Variants in CLVS2 observed in about 807,000 individuals in gnomAD.
CLVS2 encodes clavesin-2.
A neutral mutation model predicts 29.0 loss-of-function variants in CLVS2; 19 were observed. The observed-to-expected ratio is 0.66, with a 90% CI of 0.46 to 0.96. CLVS2 has a LOEUF of 0.96. Ranked by LOEUF, CLVS2 falls within the 40% of genes least tolerant of loss-of-function variation. The probability of loss-of-function intolerance (pLI) is 0.00; values close to 1 mark genes in which losing one functional copy is unlikely to be tolerated. For missense variants in CLVS2, 294 were observed against 404.1 expected, an observed-to-expected ratio of 0.73 and a Z score of 2.34; for synonymous variants, 161 against 151.3, an observed-to-expected ratio of 1.06 and a Z score of -0.47.
chr6:123,026,719 G>C (rs985903643), intron 3 of CLVS2, among the ~76,000 whole-genome samples: 1 of 152,082 alleles, frequency 6.6e-6, no homozygotes, highest in Non-Finnish European at 1.5e-5. Context: ...ATTGTACCTG[G>C]CATGTACGTA....
At position 123,048,681 on chromosome 6, in the gene CLVS2, T is replaced by C. The variant is rs1159740369; in HGVS notation, c.624T>C (p.His208=). The C allele has an allele frequency of 2.5e-6, 4 of 1,613,590 alleles. No individual in the cohort carries two copies. The highest frequency in any genetic ancestry group is 2.5e-6 in the Non-Finnish European group (3 of 1,179,668). Residue 208 remains histidine, a synonymous_variant, in exon 4 of 6, where the codon CAT becomes CAC. Transcript: ENST00000275162. ...IHFVNQPWYI[H]ALYTVIRPFL... ...TTGTCAATCAACCATGGTATATCCA[T>C]GCCCTGTACACCGTGATCCGGCCTT...
intron 3 of CLVS2, among the ~76,000 whole-genome samples, chr6:123,025,113 A>T (rs1427328707): frequency 6.6e-6 from 1 of 152,032 alleles, no homozygotes; most frequent in African/African-American, 2.4e-5. Flanking sequence ...TTTCAAAGAG[A>T]TTTACAGTCA....
chr6:123,015,720 T>A (rs1362674325), intron 3 of CLVS2, among the ~76,000 whole-genome samples: 1 of 152,094 alleles, frequency 6.6e-6, no homozygotes, highest in East Asian at 1.9e-4. Flanking sequence ...GGCTTTGGAC[T>A]TTTTTGACAC....
intron 5 of CLVS2, among the ~76,000 whole-genome samples, chr6:123,058,026 A>T (rs1426188881): frequency 6.6e-6 from 1 of 152,212 alleles, no homozygotes; most frequent in African/African-American, 2.4e-5. Context: ...GAAAGTTTTT[A>T]AAAACAAAAG....
Position 123,026,178 on chromosome 6 carries a change from A to G in CLVS2, c.564+15019A>G, listed in dbSNP as rs1338559340. 2.0e-5 allele frequency among the ~76,000 whole-genome samples: 3 copies of G among 152,126 alleles called. No individual in the cohort carries two copies. The East Asian group carries it at 5.8e-4, about 29-fold the overall frequency. On this transcript the variant is annotated intron_variant, in intron 3 of 5. Transcript: ENST00000275162. ...AAGTGGAATATGTGCAATATAAACA[A>G]ATGTAAAATATTGTCACTTTGATGT...
rs574974551 is a variant in CLVS2, at chr6:123,018,879, G to A, written c.564+7720G>A. 4.0e-5 allele frequency among the ~76,000 whole-genome samples: 6 copies of A among 151,872 alleles called. No individual in the cohort carries two copies. The South Asian group carries it at 6.2e-4, about 16-fold the overall frequency. On this transcript the variant is annotated intron_variant, in intron 3 of 5. Coordinates refer to ENST00000275162, the MANE Select transcript of CLVS2 (RefSeq NM_001010852.4). ...AGTTTTAAAACATGGATGAGTATAA[G>A]GTCATTACTTAATTTAATGAAAGCT...
chr6:123,036,244 A>C (rs935316867), intron 3 of CLVS2, among the ~76,000 whole-genome samples: 6 of 152,300 alleles, frequency 3.9e-5, no homozygotes, highest in Middle Eastern at 3.4e-3. Context: ...AGCAATGTAA[A>C]ATAAAACTTC....
intron 3 of CLVS2, among the ~76,000 whole-genome samples, chr6:123,015,391 T>C (rs1185638914): frequency 2.6e-5 from 4 of 152,062 alleles, no homozygotes; most frequent in Admixed American, 6.6e-5. Flanking sequence ...GAGAACCCCA[T>C]ACCACCTTTG....
At chr6:123,025,721 G>A (rs938343773) in intron 3 of CLVS2, among the ~76,000 whole-genome samples, 1 of 152,126 alleles carries the variant, frequency 6.6e-6, no homozygotes, top group African/African-American at 2.4e-5. Flanking sequence ...TAGGTTCAAT[G>A]CACAAGTACA....
At chr6:123,021,527 C>G (rs1337935731) in intron 3 of CLVS2, among the ~76,000 whole-genome samples, 1 of 151,758 alleles carries the variant, frequency 6.6e-6, no homozygotes, top group East Asian at 1.9e-4. Context: ...AATAACATTT[C>G]TGTTTTGTAA....
intron 3 of CLVS2, among the ~76,000 whole-genome samples, chr6:123,038,423 T>C (rs1775184325): frequency 6.6e-6 from 1 of 152,182 alleles, no homozygotes; most frequent in South Asian, 2.1e-4. Context: ...ATGCTTACAG[T>C]GCTATATAAT....
chr6:123,053,217 G>A lies in CLVS2; in HGVS notation c.676-2589G>A, dbSNP rs185593339. On this transcript the variant is annotated intron_variant, in intron 4 of 5. Transcript: ENST00000275162. ...AAAAATTAACGGGGCATGATGGCGC[G>A]CCTGTAGTCCCAGCTACTCGAGAGG... Among the ~76,000 whole-genome samples the A allele has an allele frequency of 2.1e-3, 321 of 152,168 alleles. 1 individual carries two copies. Among genetic ancestry groups the A allele is most frequent in the African/African-American group, 7.3e-3 (302 of 41,530 alleles).
At chr6:123,050,552 A>G (rs1001895840) in intron 4 of CLVS2, among the ~76,000 whole-genome samples, 1 of 152,102 alleles carries the variant, frequency 6.6e-6, no homozygotes, top group African/African-American at 2.4e-5. Flanking sequence ...AATAGCAAAG[A>G]CAAATGTCTT....
intron 3 of CLVS2, among the ~76,000 whole-genome samples, chr6:123,011,659 T>C (rs1774749463): frequency 1.3e-5 from 2 of 151,854 alleles, no homozygotes; most frequent in South Asian, 4.1e-4. Context: ...TTTTTGTGAG[T>C]GGGAGGGGCT....
chr6:123,021,796 A>G lies in CLVS2; in HGVS notation c.564+10637A>G, dbSNP rs1399054358. 2.0e-5 allele frequency among the ~76,000 whole-genome samples: 3 copies of G among 152,110 alleles called. No homozygotes were observed. In the East Asian group the frequency reaches 5.8e-4, roughly 29 times the overall value. On this transcript the variant is annotated intron_variant, in intron 3 of 5. Coordinates refer to ENST00000275162, the MANE Select transcript of CLVS2 (RefSeq NM_001010852.4). ...CCTTATTACAGCTTGGTGAGGGTGT[A>G]ACTCTAGGCTCCCCTCTCAGCCTTT... is the stretch of plus-strand genomic sequence containing the variant.
At chr6:123,012,561 T>A (rs535077169) in intron 3 of CLVS2, among the ~76,000 whole-genome samples, 13 of 152,120 alleles carry the variant, frequency 8.5e-5, no homozygotes, top group African/African-American at 1.2e-4. Flanking sequence ...TGGAGTTTTT[T>A]AATAATACTG....
chr6:123,050,779 A>C (rs1339298107), intron 4 of CLVS2, among the ~76,000 whole-genome samples: 1 of 152,146 alleles, frequency 6.6e-6, no homozygotes, highest in African/African-American at 2.4e-5. Context: ...AGGTCATTGA[A>C]TACAGGGGTT....
intron 4 of CLVS2, among the ~76,000 whole-genome samples, chr6:123,054,085 GCT>G (rs1214108727): frequency 1.3e-5 from 2 of 152,166 alleles, no homozygotes; most frequent in African/African-American, 4.8e-5. Flanking sequence ...GAAGTAGCGT[GCT>G]AGGATTACAC....
chr6:123,072,043 T>A lies in CLVS2; in HGVS notation c.*8282T>A, dbSNP rs541612772. On this transcript the variant is annotated 3_prime_UTR_variant, in exon 6 of 6. Coordinates refer to ENST00000275162, the MANE Select transcript of CLVS2 (RefSeq NM_001010852.4). ...CTGACTTCTCCATAATTTTAGTAAC[T>A]AAATGACCTAGATATTGGTTCTTGT... 1.1e-4 allele frequency: 17 copies of A among 152,168 alleles called. No homozygotes were observed. Among genetic ancestry groups the A allele is most frequent in the African/African-American group, 4.1e-4 (17 of 41,564 alleles). The allele number at this position is 152,168 out of a possible 1,614,324, so 9.4% of individuals were successfully genotyped here. A position where few individuals can be genotyped will look rare whatever the true frequency, so the allele number is the denominator to read the frequency against.
Sources: gnomAD v4.1 joint callset for allele counts (sites outside exome capture counted in the v4.1 genomes callset) on GRCh38, gnomAD v4.1.1 for gene constraint, MANE v1.5 for transcripts, NCBI Gene and HGNC (gene_info 2026-07-23, HGNC 2026-07-21) for gene names.